The following LDLRAD4 variants were observed in gnomAD, a reference collection of about 807,000 sequenced individuals.
LDLRAD4 encodes low-density lipoprotein receptor class A domain-containing protein 4.
A neutral mutation model predicts 17.0 loss-of-function variants in LDLRAD4; 5 were observed. The ratio of observed to expected loss-of-function variants is 0.29; its 90% confidence interval spans 0.15 to 0.62. LDLRAD4 has a LOEUF of 0.62. LDLRAD4 is among the 20% of genes least tolerant of loss of function. The pLI, the probability that LDLRAD4 is intolerant of heterozygous loss-of-function variation, is 0.84. For missense variants in LDLRAD4, 340 were observed against 424.7 expected (o/e 0.80, Z 1.75); for synonymous variants, 168 against 171.8 (o/e 0.98, Z 0.17).
chr18:13,410,442 T>C (rs1355468586), intron 2 of LDLRAD4, among the ~76,000 whole-genome samples: 1 of 152,254 alleles, frequency 6.6e-6, no homozygotes, highest in Non-Finnish European at 1.5e-5. Context: ...AGACAGGAAC[T>C]CTAGTGATTT....
At chr18:13,359,645 A>G (rs768416788) in intron 1 of LDLRAD4, among the ~76,000 whole-genome samples, 1 of 152,126 alleles carries the variant, frequency 6.6e-6, no homozygotes, top group African/African-American at 2.4e-5. Flanking sequence ...CATTTTAGGG[A>G]ACTTAATTTC....
intron 1 of LDLRAD4, among the ~76,000 whole-genome samples, chr18:13,316,093 A>AAGT (rs1304751525): frequency 1.3e-5 from 2 of 152,214 alleles, no homozygotes; most frequent in Non-Finnish European, 2.9e-5. Flanking sequence ...ACTGGCTGAG[A>AAGT]AGTATCCCAA....
chr18:13,482,401 C>A, intron 3 of LDLRAD4, among the ~76,000 whole-genome samples: 1 of 152,252 alleles, frequency 6.6e-6, no homozygotes, highest in East Asian at 1.9e-4. Context: ...CCCACCTTCC[C>A]CACAGCTGAC....
intron 3 of LDLRAD4, among the ~76,000 whole-genome samples, chr18:13,507,123 A>T (rs1295560130): frequency 2.0e-5 from 3 of 152,176 alleles, no homozygotes; most frequent in Non-Finnish European, 4.4e-5. Flanking sequence ...TGTTATGGTG[A>T]TCTGTGACAG....
At chr18:13,339,481 A>G (rs1162287202) in intron 1 of LDLRAD4, among the ~76,000 whole-genome samples, 1 of 152,194 alleles carries the variant, frequency 6.6e-6, no homozygotes, top group South Asian at 2.1e-4. Flanking sequence ...CATTACAGGC[A>G]TGAGCCACTG....
chr18:13,306,194 T>G (rs1005608499), intron 1 of LDLRAD4, among the ~76,000 whole-genome samples: 54 of 152,232 alleles, frequency 3.5e-4, no homozygotes, highest in Admixed American at 2.6e-4. Context: ...AGAAGCAGCA[T>G]GGATAGGCTA....
intron 1 of LDLRAD4, among the ~76,000 whole-genome samples, chr18:13,266,857 A>C (rs1251583960): frequency 1.3e-5 from 2 of 152,252 alleles, no homozygotes; most frequent in African/African-American, 4.8e-5. Context: ...AGAGAGTTGA[A>C]ATGAACAGAA....
At chr18:13,392,282 C>T (rs951468546) in intron 2 of LDLRAD4, among the ~76,000 whole-genome samples, 7 of 152,240 alleles carry the variant, frequency 4.6e-5, no homozygotes, top group East Asian at 1.9e-4. Flanking sequence ...TTGCAGCATG[C>T]GGCTCTAAAG....
At chr18:13,507,696 A>G (rs2093716443) in intron 3 of LDLRAD4, among the ~76,000 whole-genome samples, 1 of 152,212 alleles carries the variant, frequency 6.6e-6, no homozygotes, top group Non-Finnish European at 1.5e-5. Context: ...AACCATACCC[A>G]TATAAGACAG....
intron 3 of LDLRAD4, among the ~76,000 whole-genome samples, chr18:13,572,010 A>G (rs939529374): frequency 2.6e-5 from 4 of 152,234 alleles, no homozygotes; most frequent in African/African-American, 9.6e-5. Flanking sequence ...ACCAGCCAGC[A>G]TTTTAACTGT....
At chr18:13,556,876 C>T (rs117051631) in intron 3 of LDLRAD4, among the ~76,000 whole-genome samples, 3,434 of 152,154 alleles carry the variant, frequency 0.023, 56 homozygotes, top group Middle Eastern at 0.041. Flanking sequence ...TCTTTTCCCC[C>T]GTCTAAAGAG....
chr18:13,231,675 A>G lies in LDLRAD4; in HGVS notation c.-467+12687A>G, dbSNP rs555317523. Reference sequence around the variant, plus strand: ...TTCACGACAGGAAGCCAGGTTTATCACTTTCGCATGGGAATAATAATGCCT... The same window carrying G: ...TTCACGACAGGAAGCCAGGTTTATCGCTTTCGCATGGGAATAATAATGCCT... On this transcript the variant is annotated intron_variant, in intron 1 of 5. Coordinates refer to the LDLRAD4 transcript ENST00000399848. Among the ~76,000 whole-genome samples the G allele has an allele frequency of 1.1e-4, 16 of 152,342 alleles. No homozygotes were observed. In the East Asian group the frequency reaches 3.1e-3, roughly 29 times the overall value.
At chr18:13,589,966 G>T (rs191649462) in intron 3 of LDLRAD4, among the ~76,000 whole-genome samples, 182 of 152,080 alleles carry the variant, frequency 1.2e-3, no homozygotes, top group Non-Finnish European at 2.2e-3. Context: ...TGTGCGAGTG[G>T]GTGTGCATGT....
intron 3 of LDLRAD4, among the ~76,000 whole-genome samples, chr18:13,597,762 GT>G (rs1003692585): frequency 6.6e-6 from 1 of 151,778 alleles, no homozygotes; most frequent in Non-Finnish European, 1.5e-5. Context: ...ATTCCATTTG[GT>G]TTTTTCACAG....
At chr18:13,446,980 A>G (rs958663385) in intron 3 of LDLRAD4, among the ~76,000 whole-genome samples, 2 of 152,028 alleles carry the variant, frequency 1.3e-5, no homozygotes, top group South Asian at 4.2e-4. Context: ...GGGGTCTTCC[A>G]GGTTGTGGTG....
intron 3 of LDLRAD4, among the ~76,000 whole-genome samples, chr18:13,583,738 C>T (rs1053889123): frequency 2.0e-5 from 3 of 152,160 alleles, no homozygotes; most frequent in South Asian, 2.1e-4. Flanking sequence ...CCGGCCGCGC[C>T]GAAGCCTGCT....
chr18:13,393,864 G>A (rs747614191), intron 2 of LDLRAD4, among the ~76,000 whole-genome samples: 4 of 152,200 alleles, frequency 2.6e-5, no homozygotes, highest in Non-Finnish European at 5.9e-5. Flanking sequence ...CATTTGTGCA[G>A]TTTTTAATGG....
intron 1 of LDLRAD4, among the ~76,000 whole-genome samples, chr18:13,324,452 A>G (rs554649779): frequency 1.3e-5 from 2 of 152,100 alleles, no homozygotes; most frequent in African/African-American, 4.8e-5. Context: ...TCAAGTGTCT[A>G]TTTTTTGACA....
Position 13,386,909 on chromosome 18 carries a change from T to C in LDLRAD4, c.-382-432T>C, listed in dbSNP as rs1206764493. 3.9e-4 allele frequency among the ~76,000 whole-genome samples: 18 copies of C among 45,790 alleles called. No individual in the cohort carries two copies. The East Asian group carries it at 4.6e-3, about 12-fold the overall frequency. 30.0% of individuals were successfully genotyped at this position (45,790 alleles called of 152,430 possible). A position where few individuals can be genotyped will look rare whatever the true frequency, so the allele number is the denominator to read the frequency against. On this transcript the variant is annotated intron_variant, in intron 1 of 5. Coordinates refer to ENST00000359446, the Ensembl canonical transcript of LDLRAD4. Reference sequence around the variant, plus strand: ...TGTCATTCATAGATAGATAGATAGATAGATAGATAGATAGATAGATAGATA... The same window carrying C: ...TGTCATTCATAGATAGATAGATAGACAGATAGATAGATAGATAGATAGATA...
Sources: allele counts gnomAD v4.1 joint callset (sites outside exome capture counted in the v4.1 genomes callset), GRCh38; gene constraint gnomAD v4.1.1; transcripts MANE v1.5; gene names NCBI Gene and HGNC (gene_info 2026-07-23, HGNC 2026-07-21).